SWT1: variants seen among roughly 807,000 people sequenced by gnomAD.
SWT1 encodes the protein transcriptional protein SWT1.
SWT1 carries 33 observed loss-of-function variants against 107.3 expected under a neutral mutation model. The observed-to-expected ratio is 0.31, with a 90% CI of 0.23 to 0.41. The LOEUF (loss-of-function observed/expected upper bound fraction) is 0.41, where lower values mean the gene tolerates loss of function less well. SWT1 is among the 10% of genes least tolerant of loss of function. The probability of loss-of-function intolerance (pLI) is 1.00; values close to 1 mark genes in which losing one functional copy is unlikely to be tolerated. For missense variants in SWT1, 898 were observed against 1,028.9 expected (o/e 0.87, Z 1.74); for synonymous variants, 345 against 348.3 (o/e 0.99, Z 0.11).
At position 185,181,963 on chromosome 1, in the gene SWT1, G is replaced by A. The variant is rs1271607902; in HGVS notation, c.1044G>A (p.Glu348=). 3.1e-6 allele frequency: 5 copies of A among 1,613,874 alleles called. No homozygotes were observed. The Admixed American group carries it at 8.3e-5, about 27-fold the overall frequency. ...CACTTTAGATGCAGATAGTAGAAGAGCTTCATGCTGCACGTGTGGGAAAAA... is the reference window on the plus strand; with the variant it reads ...CACTTTAGATGCAGATAGTAGAAGAACTTCATGCTGCACGTGTGGGAAAAA... The part of the protein sequence containing the change: ...DADQEMQIVE[E]LHAARVGKSV... The change falls in exon 7 of 19, where the codon GAG becomes GAA. Residue 348 remains glutamate, a synonymous_variant. Transcript: ENST00000367500.
chr1:185,193,755 T>A (rs544660106), intron 10 of SWT1, among the ~76,000 whole-genome samples: 3 of 152,134 alleles, frequency 2.0e-5, no homozygotes, highest in African/African-American at 4.8e-5. Context: ...ATGAGCCACC[T>A]TGCCAAGGCT....
rs574054691 is a variant in SWT1, at chr1:185,223,293, C to T, written c.2309+1257C>T. On this transcript the variant is annotated intron_variant, in intron 15 of 18. Coordinates refer to ENST00000367500, the MANE Select transcript of SWT1 (RefSeq NM_017673.7). ...GTAGTGCAGTGGTATAATCATGGCT[C>T]ACTGCAGTGACCTACTGGGCTCAAA... Among the ~76,000 whole-genome samples the T allele has an allele frequency of 1.9e-4, 29 of 152,040 alleles. No individual in the cohort carries two copies. The South Asian group carries it at 5.2e-3, about 27-fold the overall frequency.
chr1:185,282,961 AGTAC>A (rs1664729089), intron 18 of SWT1, among the ~76,000 whole-genome samples: 1 of 152,160 alleles, frequency 6.6e-6, no homozygotes, highest in Admixed American at 6.5e-5. Context: ...AGTGGCTCAT[AGTAC>A]TCAGGGAAAC....
intron 16 of SWT1, among the ~76,000 whole-genome samples, chr1:185,238,716 A>T (rs1204062666): frequency 4.7e-5 from 7 of 149,148 alleles, no homozygotes; most frequent in East Asian, 1.9e-4. Context: ...AAAATTGTGA[A>T]TTTTTTTTTT....
At chr1:185,183,878 C>T (rs1000983883) in intron 7 of SWT1, among the ~76,000 whole-genome samples, 1 of 152,172 alleles carries the variant, frequency 6.6e-6, no homozygotes, top group African/African-American at 2.4e-5. Flanking sequence ...AAAACATTCT[C>T]CATGGCTGGT....
chr1:185,215,857 A>G (rs1659177829), intron 14 of SWT1, among the ~76,000 whole-genome samples: 1 of 152,152 alleles, frequency 6.6e-6, no homozygotes, highest in African/African-American at 2.4e-5. Context: ...TCAAGTCTAG[A>G]AAAATCTGAG....
intron 10 of SWT1, among the ~76,000 whole-genome samples, chr1:185,196,783 G>C (rs1657428113): frequency 6.6e-6 from 1 of 152,158 alleles, no homozygotes; most frequent in Non-Finnish European, 1.5e-5. Flanking sequence ...TTGGTTTGCT[G>C]TTTGTCATTT....
Position 185,182,030 on chromosome 1 carries a change from T to G in SWT1, c.1111T>G (p.Leu371Val). 2 of 1,613,780 alleles carry G rather than the reference T, an allele frequency of 1.2e-6. No homozygotes were observed. The highest frequency in any genetic ancestry group is 1.7e-6 in the Non-Finnish European group (2 of 1,179,734). ...AGAGTTAATGAGTATGGAAATTGAC[T>G]TAGAAGATGATGTACATTCCTCCTC... ...PGELMSMEID[L>V]EDDVHSSSAN... The change falls in exon 7 of 19, where the codon TTA becomes GTA. Residue 371 changes from leucine (L) to valine (V), a missense_variant. By Grantham distance (32) the Leu-to-Val change is conservative (BLOSUM62 1). Transcript: ENST00000367500.
intron 6 of SWT1, among the ~76,000 whole-genome samples, chr1:185,181,007 C>A (rs772491861): frequency 6.6e-6 from 1 of 152,060 alleles, no homozygotes; most frequent in Non-Finnish European, 1.5e-5. Flanking sequence ...GTGGCTCAAG[C>A]CTGTAATCCC....
At chr1:185,163,393 C>CTT (rs575075692) in intron 2 of SWT1, among the ~76,000 whole-genome samples, 24 of 134,906 alleles carry the variant, frequency 1.8e-4, no homozygotes, top group East Asian at 2.1e-4. Flanking sequence ...TCCATGAAAG[C>CTT]TTTTTTTTTT....
intron 14 of SWT1, among the ~76,000 whole-genome samples, chr1:185,220,179 C>T (rs1299625536): frequency 6.9e-6 from 1 of 145,962 alleles, no homozygotes; most frequent in Non-Finnish European, 1.5e-5. Flanking sequence ...AATTTCTAAC[C>T]ATTGTTTTCA....
At chr1:185,214,040 T>C (rs186302396) in intron 13 of SWT1, among the ~76,000 whole-genome samples, 49 of 152,226 alleles carry the variant, frequency 3.2e-4, no homozygotes, top group African/African-American at 1.2e-3. Context: ...TTTCATGCAA[T>C]GGAGTTGAAG....
At chr1:185,276,844 G>A (rs1664272705) in intron 18 of SWT1, among the ~76,000 whole-genome samples, 176 bp downstream of exon 18, 2 of 151,932 alleles carry the variant, frequency 1.3e-5, no homozygotes, top group Admixed American at 6.6e-5. Flanking sequence ...TGTGTTGTGT[G>A]TTTATCAGCT....
intron 14 of SWT1, among the ~76,000 whole-genome samples, chr1:185,215,688 C>T (rs1461725471): frequency 6.6e-6 from 1 of 152,004 alleles, no homozygotes; most frequent in Non-Finnish European, 1.5e-5. Context: ...ACAGGCATGG[C>T]ACCACCACAC....
At chr1:185,279,103 T>A (rs1281676444) in intron 18 of SWT1, among the ~76,000 whole-genome samples, 1 of 152,170 alleles carries the variant, frequency 6.6e-6, no homozygotes, top group African/African-American at 2.4e-5. Flanking sequence ...GGGGAGAAAA[T>A]GTTTTCTTGC....
At chr1:185,207,870 C>T (rs894535381) in intron 13 of SWT1, among the ~76,000 whole-genome samples, 3 of 152,050 alleles carry the variant, frequency 2.0e-5, no homozygotes, top group Admixed American at 6.6e-5. Flanking sequence ...CACTGCACTC[C>T]GGCCTGGGCA....
intron 2 of SWT1, 134 bp downstream of exon 2, chr1:185,161,059 C>A: frequency 1.5e-6 from 1 of 673,828 alleles, no homozygotes; most frequent in Non-Finnish European, 2.5e-6. Context: ...AAGTCATTTG[C>A]TTTTCCGGTT....
chr1:185,205,227 ATT>A (rs1415493972), intron 12 of SWT1, among the ~76,000 whole-genome samples: 1 of 152,176 alleles, frequency 6.6e-6, no homozygotes, highest in African/African-American at 2.4e-5. Flanking sequence ...AGAAGTATGT[ATT>A]TTTGCTTGTG....
chr1:185,238,330 A>G (rs978708299), intron 16 of SWT1, among the ~76,000 whole-genome samples: 4 of 152,074 alleles, frequency 2.6e-5, no homozygotes, highest in Admixed American at 6.6e-5. Context: ...TGTTCATAAA[A>G]CAGCCATAAT....
Sources: gnomAD v4.1 joint callset for allele counts (sites outside exome capture counted in the v4.1 genomes callset) on GRCh38, gnomAD v4.1.1 for gene constraint, MANE v1.5 for transcripts, NCBI Gene and HGNC (gene_info 2026-07-23, HGNC 2026-07-21) for gene names.